Variants in FOXP1 observed in about 807,000 individuals in gnomAD.
FOXP1 encodes forkhead box P1.
Under a neutral mutation model 98.2 loss-of-function variants are expected in FOXP1, and 15 were observed. The ratio of observed to expected loss-of-function variants is 0.15; its 90% confidence interval spans 0.10 to 0.24. The LOEUF (loss-of-function observed/expected upper bound fraction) is 0.24, where lower values mean the gene tolerates loss of function less well. FOXP1 is among the 10% of genes least tolerant of loss of function. FOXP1 has a pLI of 1.00. For synonymous variants in FOXP1, 371 were observed against 314.5 expected (o/e 1.18, Z -1.90); for missense variants, 633 against 848.5 (o/e 0.75, Z 3.15).
chr3:70,985,787 TG>T (rs1235667794), intron 14 of FOXP1, among the ~76,000 whole-genome samples: 1 of 152,204 alleles, frequency 6.6e-6, no homozygotes, highest in Non-Finnish European at 1.5e-5. Flanking sequence ...GACGGCCTAT[TG>T]TTGGTTTACA....
At chr3:71,435,236 A>C (rs575673653) in intron 3 of FOXP1, among the ~76,000 whole-genome samples, 4 of 16,160 alleles carry the variant, frequency 2.5e-4, no homozygotes, top group Admixed American at 6.0e-4. Flanking sequence ...AGGAAGGAAG[A>C]AGGGAGGAAG....
intron 3 of FOXP1, among the ~76,000 whole-genome samples, chr3:71,464,597 C>A (rs1221027055): frequency 1.3e-5 from 2 of 152,162 alleles, no homozygotes; most frequent in African/African-American, 2.4e-5. Flanking sequence ...TGCCCTCCCC[C>A]CGACCTGGCA....
At chr3:71,371,374 C>G (rs1401862896) in intron 3 of FOXP1, among the ~76,000 whole-genome samples, 2 of 152,208 alleles carry the variant, frequency 1.3e-5, no homozygotes, top group South Asian at 2.1e-4. Context: ...AGCCTCTCCC[C>G]CAAAGAAGCC....
At chr3:71,403,311 G>C (rs1252575620) in intron 3 of FOXP1, among the ~76,000 whole-genome samples, 1 of 152,198 alleles carries the variant, frequency 6.6e-6, no homozygotes, top group Non-Finnish European at 1.5e-5. Flanking sequence ...CAAAAAGCTC[G>C]CCTGGATCTC....
chr3:71,474,828 A>G (rs1219340715), intron 3 of FOXP1, among the ~76,000 whole-genome samples: 1 of 152,092 alleles, frequency 6.6e-6, no homozygotes, highest in Non-Finnish European at 1.5e-5. Context: ...ATGAAAATAA[A>G]GTGCAGAATA....
chr3:71,351,959 C>T (rs536602405), intron 4 of FOXP1, among the ~76,000 whole-genome samples: 3 of 152,278 alleles, frequency 2.0e-5, no homozygotes, highest in African/African-American at 7.2e-5. Context: ...AATTGCGACA[C>T]ACTTTTATTT....
chr3:71,496,238 A>G (rs2091398439), intron 2 of FOXP1, among the ~76,000 whole-genome samples: 1 of 152,248 alleles, frequency 6.6e-6, no homozygotes, highest in African/African-American at 2.4e-5. Context: ...TCAGAAGCAC[A>G]GAGAAGCAGT....
At chr3:71,354,493 T>A (rs2078025604) in intron 4 of FOXP1, among the ~76,000 whole-genome samples, 1 of 152,158 alleles carries the variant, frequency 6.6e-6, no homozygotes, top group Admixed American at 6.5e-5. Flanking sequence ...GCGCTTGAGG[T>A]TTCTAGCATG....
At chr3:71,335,081 G>A (rs2076585181) in intron 4 of FOXP1, 1 of 151,948 alleles carries the variant, frequency 6.6e-6, no homozygotes, top group Non-Finnish European at 1.5e-5. Context: ...GAAACCTAGT[G>A]AGACCCCACC....
intron 4 of FOXP1, among the ~76,000 whole-genome samples, chr3:71,352,370 C>T (rs1469342574): frequency 6.9e-6 from 1 of 144,434 alleles, no homozygotes; most frequent in Non-Finnish European, 1.5e-5. Flanking sequence ...GAGGCTGAGG[C>T]AGGAGAATCG....
chr3:71,541,927 G>T (rs779777087), intron 2 of FOXP1: 4 of 519,554 alleles, frequency 7.7e-6, no homozygotes, highest in Non-Finnish European at 1.6e-5. Flanking sequence ...TTTGACTCTG[G>T]TCAAACTACT....
intron 12 of FOXP1, among the ~76,000 whole-genome samples, chr3:71,012,945 T>C (rs1471457168): frequency 3.3e-5 from 5 of 152,218 alleles, no homozygotes; most frequent in South Asian, 2.1e-4. Context: ...TATAATATCA[T>C]GTAACATTAT....
At chr3:71,448,161 A>G (rs1420387154) in intron 3 of FOXP1, among the ~76,000 whole-genome samples, 1 of 152,194 alleles carries the variant, frequency 6.6e-6, no homozygotes. Context: ...TTTCAATCTT[A>G]GTGACTGACA....
At position 71,396,733 on chromosome 3, in the gene FOXP1, G is replaced by A. The variant is rs139872232; in HGVS notation, c.-167-37489C>T. 4.9e-3 allele frequency among the ~76,000 whole-genome samples: 741 copies of A among 150,882 alleles called. 24 individuals carry two copies. In the South Asian group the frequency reaches 0.087, roughly 18 times the overall value. ...TGTTTAAGAAGACAGCAACAGCAGAGCATTAAACCAAGTGTGGGTCCCTTC... is the reference window on the plus strand; with the variant it reads ...TGTTTAAGAAGACAGCAACAGCAGAACATTAAACCAAGTGTGGGTCCCTTC... On this transcript the variant is annotated intron_variant, in intron 3 of 20. Coordinates refer to ENST00000649528, the MANE Select transcript of FOXP1 (RefSeq NM_001349338.3).
intron 4 of FOXP1, among the ~76,000 whole-genome samples, chr3:71,320,819 G>T (rs1459482991): frequency 6.6e-6 from 1 of 151,978 alleles, no homozygotes; most frequent in Non-Finnish European, 1.5e-5. Context: ...TACTACAATG[G>T]TTCAGCAACA....
intron 6 of FOXP1, among the ~76,000 whole-genome samples, chr3:71,136,605 T>G (rs2059830494): frequency 6.6e-6 from 1 of 152,226 alleles, no homozygotes; most frequent in South Asian, 2.1e-4. Context: ...AGATACTGCA[T>G]TTTCATATTC....
chr3:71,325,256 T>C (rs1195759910), intron 4 of FOXP1, among the ~76,000 whole-genome samples: 1 of 152,146 alleles, frequency 6.6e-6, no homozygotes, highest in Non-Finnish European at 1.5e-5. Context: ...TTTCACCATG[T>C]TGGCCAGGCG....
chr3:71,373,134 T>G (rs760699768), intron 3 of FOXP1, among the ~76,000 whole-genome samples: 1 of 152,220 alleles, frequency 6.6e-6, no homozygotes, highest in Admixed American at 6.5e-5. Context: ...CGTAATTTTG[T>G]CACAGGTGTT....
intron 15 of FOXP1, 44 bp downstream of exon 15, chr3:70,977,784 T>C: frequency 6.2e-7 from 1 of 1,611,760 alleles, no homozygotes; most frequent in Non-Finnish European, 8.5e-7. Context: ...TCTACAAGAA[T>C]TGCAGATTAC....
Sources: allele counts gnomAD v4.1 joint callset (sites outside exome capture counted in the v4.1 genomes callset), GRCh38; gene constraint gnomAD v4.1.1; transcripts MANE v1.5; gene names NCBI Gene and HGNC (gene_info 2026-07-23, HGNC 2026-07-21).